The following ABHD2 variants were observed in gnomAD, a reference collection of about 807,000 sequenced individuals.
ABHD2 encodes monoacylglycerol lipase ABHD2.
A neutral mutation model predicts 48.1 loss-of-function variants in ABHD2; 20 were observed. That is an observed-to-expected ratio of 0.42 (90% CI 0.29 to 0.60). The LOEUF (loss-of-function observed/expected upper bound fraction) is 0.60. Ranked by LOEUF, ABHD2 falls within the 20% of genes least tolerant of loss-of-function variation. ABHD2 has a pLI of 0.24. For missense variants in ABHD2, 405 were observed against 550.9 expected (o/e 0.74, Z 2.65); for synonymous variants, 209 against 214.2 (o/e 0.98, Z 0.21).
intron 9 of ABHD2, among the ~76,000 whole-genome samples, chr15:89,192,310 C>T (rs1315574781): frequency 6.6e-6 from 1 of 152,192 alleles, no homozygotes; most frequent in Non-Finnish European, 1.5e-5. Context: ...CAGAGACCTA[C>T]AGGATACCAC....
At chr15:89,160,492 G>GTTT (rs34084756) in intron 5 of ABHD2, among the ~76,000 whole-genome samples, 1 of 144,076 alleles carries the variant, frequency 6.9e-6, no homozygotes. Context: ...CTGCCTACCT[G>GTTT]TTTTTTTTTT....
At chr15:89,077,418 A>T in the ABHD2 span, among the ~76,000 whole-genome samples, 2 of 152,286 alleles carry the variant, frequency 1.3e-5, no homozygotes, top group African/African-American at 4.8e-5. Flanking sequence ...TACAATCTTA[A>T]GCTATTACGA....
At chr15:89,064,327 C>T in the ABHD2 span, among the ~76,000 whole-genome samples, 3 of 149,518 alleles carry the variant, frequency 2.0e-5, no homozygotes, top group Middle Eastern at 3.4e-3. Flanking sequence ...TTAAGCGATT[C>T]TCCTGCCTCA....
At position 89,200,462 on chromosome 15, in the gene ABHD2, C is replaced by T. The variant is rs910190121; in HGVS notation, c.*5039C>T. 3 of 152,488 alleles carry T rather than the reference C, an allele frequency of 2.0e-5. No individual in the cohort carries two copies. The highest frequency in any genetic ancestry group is 7.3e-5 in the African/African-American group (3 of 41,376). 9.4% of individuals were successfully genotyped at this position (152,488 alleles called of 1,614,324 possible). A position where few individuals can be genotyped will look rare whatever the true frequency, so the allele number is the denominator to read the frequency against. ...CCGGGAAGCGGGGCTCCTCACTTCC[C>T]AGACAGGGTGGCCAGGCAGAGGTGC... On this transcript the variant is annotated 3_prime_UTR_variant, in exon 11 of 11. Coordinates refer to ENST00000352732, the MANE Select transcript of ABHD2 (RefSeq NM_152924.5).
At chr15:89,093,173 C>CTTTTTTTT (rs71149272) in intron 1 of ABHD2, among the ~76,000 whole-genome samples, 1 of 71,782 alleles carries the variant, frequency 1.4e-5, no homozygotes, top group Non-Finnish European at 2.8e-5. Flanking sequence ...TTTTTTCATT[C>CTTTTTTTT]TTTTTTTTTT....
At chr15:89,059,000 G>T in the ABHD2 span, among the ~76,000 whole-genome samples, 1,006 of 152,252 alleles carry the variant, frequency 6.6e-3, 15 homozygotes, top group African/African-American at 0.023. Flanking sequence ...GAAAGATAAG[G>T]GCTCTTTGCC....
rs1901653095 is a variant in ABHD2 at position 89,092,960 on chromosome 15, C to CG, written c.-107+4402dup. The stretch of plus-strand genomic sequence containing the variant: ...AATATTTTTCTTTTCTGTGAGAGCC[C>CG]GGGGGAGGTGCAGGGGAGCTTCTAA... On this transcript the variant is annotated intron_variant, in intron 1 of 10. Coordinates refer to ENST00000352732, the MANE Select transcript of ABHD2 (RefSeq NM_152924.5). The surrounding 1 kb of genome is among the most constrained non-coding windows in gnomAD (Gnocchi z 4.4). 6.6e-6 allele frequency among the ~76,000 whole-genome samples: 1 copy of CG among 151,960 alleles called. No individual in the cohort carries two copies. Among genetic ancestry groups the CG allele is most frequent in the Non-Finnish European group, 1.5e-5 (1 of 68,006 alleles).
rs764561709 is a variant in ABHD2, at chr15:89,195,336, G to C, written c.1191G>C (p.Val397=). The C allele has an allele frequency of 1.2e-6, 2 of 1,614,256 alleles. No individual in the cohort carries two copies. Among genetic ancestry groups the C allele is most frequent in the Non-Finnish European group, 1.7e-6 (2 of 1,180,038 alleles). ...PEPLTWMDKL[V]VEYANAICQW... Reference sequence around the variant, plus strand: ...CCCTGACATGGATGGATAAGCTGGTGGTGGAGTACGCCAACGCCATTTGCC... The same window carrying C: ...CCCTGACATGGATGGATAAGCTGGTCGTGGAGTACGCCAACGCCATTTGCC... The change falls in exon 11 of 11, where the codon GTG becomes GTC. Residue 397 remains valine (V), a synonymous_variant. Coordinates refer to ENST00000352732, the MANE Select transcript of ABHD2 (RefSeq NM_152924.5). This position sits in a 1 kb window ranked among gnomAD's most constrained non-coding sequence, Gnocchi z 5.1.
intron 1 of ABHD2, among the ~76,000 whole-genome samples, chr15:89,109,122 A>C (rs769588236): frequency 6.6e-6 from 1 of 152,006 alleles, no homozygotes; most frequent in Non-Finnish European, 1.5e-5. Flanking sequence ...GCAGTTTCTC[A>C]CTCTATCTGT....
the ABHD2 span, among the ~76,000 whole-genome samples, chr15:89,044,986 A>G: frequency 7.9e-5 from 12 of 151,564 alleles, no homozygotes; most frequent in Non-Finnish European, 1.2e-4. Context: ...GCCCATGCCT[A>G]TGTCCTGAAT....
rs533929218 is a variant in ABHD2 at position 89,122,878 on chromosome 15, G to T, written c.194+6357G>T. On this transcript the variant is annotated intron_variant, in intron 3 of 10. Coordinates refer to ENST00000352732, the MANE Select transcript of ABHD2 (RefSeq NM_152924.5). The stretch of plus-strand genomic sequence containing the variant: ...TTAGGAGGAGTGTGATGGAGGACTT[G>T]GCTAATAGGCCGAAAAACAGAGAGT... Among the ~76,000 whole-genome samples, 3 of 152,300 alleles carry T rather than the reference G, an allele frequency of 2.0e-5. No homozygotes were observed. In the South Asian group the frequency reaches 6.2e-4, roughly 32 times the overall value.
chr15:89,057,773 A>G, the ABHD2 span, among the ~76,000 whole-genome samples: 1 of 149,084 alleles, frequency 6.7e-6, no homozygotes, highest in Non-Finnish European at 1.5e-5. Context: ...GAAGGAATGA[A>G]AAAAAAAAAA....
intron 6 of ABHD2, among the ~76,000 whole-genome samples, chr15:89,178,114 C>T (rs2051046656): frequency 1.3e-5 from 2 of 152,210 alleles, no homozygotes; most frequent in African/African-American, 4.8e-5. Flanking sequence ...GCACACCAAC[C>T]TCATGCAACA....
At chr15:89,163,757 G>GTGTAAGTGA (rs1180022331) in intron 5 of ABHD2, among the ~76,000 whole-genome samples, 1 of 152,204 alleles carries the variant, frequency 6.6e-6, no homozygotes, top group Non-Finnish European at 1.5e-5. Flanking sequence ...CACTTACATA[G>GTGTAAGTGA]CATTTGCTGT....
At chr15:89,156,037 A>G (rs993177109) in intron 5 of ABHD2, among the ~76,000 whole-genome samples, 2 of 151,944 alleles carry the variant, frequency 1.3e-5, no homozygotes, top group Non-Finnish European at 2.9e-5. Context: ...CTTGATTTGA[A>G]TTAAAATTTT....
At chr15:89,057,755 A>G in the ABHD2 span, among the ~76,000 whole-genome samples, 2 of 151,730 alleles carry the variant, frequency 1.3e-5, no homozygotes, top group Non-Finnish European at 2.9e-5. Context: ...GAAACCCGCT[A>G]TTAATAAGAA....
chr15:89,173,739 C>G lies in ABHD2; in HGVS notation c.539-2073C>G, dbSNP rs11632324. ...AGAGGCCTTGTCATCAGAATCCACT[C>G]AATTCAGCAACTCTTTATTGAAGGC... On this transcript the variant is annotated intron_variant, in intron 5 of 10. Transcript: ENST00000352732. The surrounding 1 kb of genome is among the most constrained non-coding windows in gnomAD (Gnocchi z 6.5). Among the ~76,000 whole-genome samples, 17,020 of 152,174 alleles carry G rather than the reference C, an allele frequency of 0.11. 1,103 individuals carry two copies. The highest frequency in any genetic ancestry group is 0.19 in the South Asian group (896 of 4,818).
At chr15:89,077,703 T>C in the ABHD2 span, among the ~76,000 whole-genome samples, 3 of 152,234 alleles carry the variant, frequency 2.0e-5, no homozygotes, top group Non-Finnish European at 4.4e-5. Context: ...AAGGGTTTTA[T>C]AAATGTTAGC....
chr15:89,154,599 A>G (rs573576424), intron 4 of ABHD2, among the ~76,000 whole-genome samples: 123 of 152,218 alleles, frequency 8.1e-4, no homozygotes, highest in African/African-American at 2.9e-3. Flanking sequence ...GTAAATATAG[A>G]TATCTTTTTT....
Sources: gnomAD v4.1 joint callset for allele counts (sites outside exome capture counted in the v4.1 genomes callset) on GRCh38, gnomAD v4.1.1 for gene constraint, Gnocchi (gnomAD v3.1) non-coding constraint, MANE v1.5 for transcripts, NCBI Gene and HGNC (gene_info 2026-07-23, HGNC 2026-07-21) for gene names.